Variants in TBC1D1 observed in about 807,000 individuals in gnomAD.
TBC1D1 encodes the protein TBC1 (tre-2/USP6, BUB2, cdc16) domain family, member 1.
A neutral mutation model predicts 125.6 loss-of-function variants in TBC1D1; 89 were observed. That is an observed-to-expected ratio of 0.71 (90% CI 0.60 to 0.85). The LOEUF is 0.85. TBC1D1 is among the 40% of genes least tolerant of loss of function. The pLI, the probability that TBC1D1 is intolerant of heterozygous loss-of-function variation, is 0.00. For missense variants in TBC1D1, 1,377 were observed against 1,469.2 expected, an observed-to-expected ratio of 0.94 and a Z score of 1.03; for synonymous variants, 565 against 564.1, an observed-to-expected ratio of 1.00 and a Z score of -0.02.
chr4:38,095,402 A>G (rs958751122), intron 13 of TBC1D1, among the ~76,000 whole-genome samples: 1 of 152,204 alleles, frequency 6.6e-6, no homozygotes, highest in African/African-American at 2.4e-5. Flanking sequence ...CTCTCTTCAT[A>G]TATTTGAGAG....
At chr4:37,933,525 A>G (rs74629922) in intron 2 of TBC1D1, among the ~76,000 whole-genome samples, 8 of 152,042 alleles carry the variant, frequency 5.3e-5, no homozygotes, top group Non-Finnish European at 8.8e-5. Flanking sequence ...ATAGAACCCA[A>G]CTGGTACTGG....
intron 12 of TBC1D1, among the ~76,000 whole-genome samples, chr4:38,059,324 G>T (rs531314495): frequency 3.3e-5 from 5 of 152,164 alleles, no homozygotes; most frequent in Non-Finnish European, 5.9e-5. Context: ...GAGGGTCCCT[G>T]CTTCTCAAAT....
intron 2 of TBC1D1, among the ~76,000 whole-genome samples, chr4:37,921,719 T>A (rs1721040693): frequency 6.6e-6 from 1 of 151,894 alleles, no homozygotes; most frequent in Admixed American, 6.6e-5. Flanking sequence ...CCCATATATA[T>A]AATTTTGATT....
rs377184500 is a variant in TBC1D1, at chr4:37,893,604, AG to A, written c.-94+2258del. On this transcript the variant is annotated intron_variant, in intron 1 of 19. Coordinates refer to ENST00000261439, the MANE Select transcript of TBC1D1 (RefSeq NM_015173.4). ...GAGTCCAAGGCGGGTGGATCACTTG[AG>A]GTCAGGAGTTCGAGACCAGCCTGGC... Among the ~76,000 whole-genome samples the A allele has an allele frequency of 3.1e-3, 478 of 152,312 alleles. 4 individuals are homozygous for A. The highest frequency in any genetic ancestry group is 0.011 in the African/African-American group (461 of 41,570).
At chr4:38,092,754 A>AT (rs1446443292) in intron 13 of TBC1D1, among the ~76,000 whole-genome samples, 11 of 151,766 alleles carry the variant, frequency 7.2e-5, no homozygotes, top group South Asian at 6.2e-4. Context: ...AAAAAAAAGA[A>AT]AGAAGTAATT....
At chr4:38,045,486 T>C (rs992693847) in intron 9 of TBC1D1, among the ~76,000 whole-genome samples, 2 of 152,224 alleles carry the variant, frequency 1.3e-5, no homozygotes, top group African/African-American at 4.8e-5. Context: ...CTGGCCGTTA[T>C]GATGACTTGT....
At chr4:37,960,776 A>G in intron 2 of TBC1D1, 5 of 1,614,204 alleles carry the variant, frequency 3.1e-6, no homozygotes, top group Non-Finnish European at 4.2e-6. Flanking sequence ...ATCCAGAAAT[A>G]GAAAAATTCT....
intron 7 of TBC1D1, among the ~76,000 whole-genome samples, chr4:38,028,166 TTTTG>T (rs755538680): frequency 6.6e-6 from 1 of 151,900 alleles, no homozygotes; most frequent in Non-Finnish European, 1.5e-5. Flanking sequence ...TCATAATGGT[TTTTG>T]TTTGTTTGTT....
At chr4:38,070,135 A>T (rs1316865616) in intron 12 of TBC1D1, among the ~76,000 whole-genome samples, 2 of 152,230 alleles carry the variant, frequency 1.3e-5, no homozygotes, top group East Asian at 3.8e-4. Flanking sequence ...AAGTAATGAG[A>T]ATCCCTAGCT....
At chr4:37,970,804 C>G (rs980135418) in intron 2 of TBC1D1, among the ~76,000 whole-genome samples, 1 of 152,200 alleles carries the variant, frequency 6.6e-6, no homozygotes, top group African/African-American at 2.4e-5. Flanking sequence ...CCAAGTGGTT[C>G]TGATTCACTT....
At chr4:37,970,208 G>A (rs1435319487) in intron 2 of TBC1D1, among the ~76,000 whole-genome samples, 1 of 152,186 alleles carries the variant, frequency 6.6e-6, no homozygotes, top group East Asian at 1.9e-4. Context: ...GCACATTCAT[G>A]GACACATTTT....
chr4:37,942,815 C>T (rs1244110146), intron 2 of TBC1D1, among the ~76,000 whole-genome samples: 2 of 152,174 alleles, frequency 1.3e-5, no homozygotes, highest in Admixed American at 1.3e-4. Flanking sequence ...GCTGGGATTA[C>T]AGGCGTGAGC....
At chr4:37,991,068 TG>T (rs1482553284) in intron 2 of TBC1D1, among the ~76,000 whole-genome samples, 1 of 75,586 alleles carries the variant, frequency 1.3e-5, no homozygotes, top group African/African-American at 5.0e-5. Context: ...CGGGGGTGGG[TG>T]GGGGGAAGGT....
At chr4:38,052,393 G>A (rs143874828) in intron 11 of TBC1D1, among the ~76,000 whole-genome samples, 33 of 150,824 alleles carry the variant, frequency 2.2e-4, no homozygotes, top group African/African-American at 6.1e-4. Flanking sequence ...GTGCAGTGGC[G>A]TGATCTCGGC....
intron 2 of TBC1D1, chr4:38,006,847 CTTTT>C: frequency 2.0e-6 from 1 of 511,514 alleles, no homozygotes; most frequent in Non-Finnish European, 3.9e-6. Context: ...CACGAAGCTT[CTTTT>C]GTCATCTTTG....
At chr4:37,901,561 G>A (rs1716003171) in intron 1 of TBC1D1, among the ~76,000 whole-genome samples, 1 of 152,166 alleles carries the variant, frequency 6.6e-6, no homozygotes, top group South Asian at 2.1e-4. Flanking sequence ...CAACATAATA[G>A]GCACTGAAGA....
chr4:38,036,089 C>T (rs1436735754), intron 8 of TBC1D1, among the ~76,000 whole-genome samples: 1 of 152,270 alleles, frequency 6.6e-6, no homozygotes, highest in Admixed American at 6.5e-5. Flanking sequence ...ACCTGAACGT[C>T]CTTTGTGATA....
intron 15 of TBC1D1, among the ~76,000 whole-genome samples, chr4:38,108,204 G>A (rs935762646): frequency 6.6e-6 from 1 of 152,168 alleles, no homozygotes; most frequent in African/African-American, 2.4e-5. Context: ...GCTGGGGGCT[G>A]CCAGTGACAC....
intron 1 of TBC1D1, among the ~76,000 whole-genome samples, chr4:37,895,354 C>T (rs1406363077): frequency 6.6e-6 from 1 of 152,164 alleles, no homozygotes. Flanking sequence ...CATTTCCCAC[C>T]CTTTTTCCTG....
Sources: gnomAD v4.1 joint callset for allele counts (sites outside exome capture counted in the v4.1 genomes callset) on GRCh38, gnomAD v4.1.1 for gene constraint, MANE v1.5 for transcripts, NCBI Gene and HGNC (gene_info 2026-07-23, HGNC 2026-07-21) for gene names.